PCDH15: variants seen among roughly 807,000 people sequenced by gnomAD.
PCDH15 encodes protocadherin related 15.
Under a neutral mutation model 178.5 loss-of-function variants are expected in PCDH15, and 129 were observed. The observed-to-expected ratio is 0.72, with a 90% CI of 0.63 to 0.84. PCDH15 has a LOEUF of 0.84. Ranked by LOEUF, PCDH15 falls within the 40% of genes least tolerant of loss-of-function variation. PCDH15 has a pLI of 0.00. For synonymous variants in PCDH15, 800 were observed against 732.0 expected (o/e 1.09, Z -1.50); for missense variants, 2,230 against 2,099.9 (o/e 1.06, Z -1.21).
At chr10:55,626,785 C>T (rs1837538573) in intron 2 of PCDH15, among the ~76,000 whole-genome samples, 1 of 152,174 alleles carries the variant, frequency 6.6e-6, no homozygotes. Flanking sequence ...GATACTAGTT[C>T]AGTCATCCTT....
At chr10:53,828,692 G>T in intron 30 of PCDH15, 119 bp from the exon 31 acceptor site, 1 of 887,250 alleles carries the variant, frequency 1.1e-6, no homozygotes, top group East Asian at 2.6e-5. Flanking sequence ...AATTCATAAT[G>T]ACAGAGTTAA....
At chr10:55,020,602 AT>A (rs1477535083) in intron 2 of PCDH15, among the ~76,000 whole-genome samples, 2 of 152,164 alleles carry the variant, frequency 1.3e-5, no homozygotes, top group Non-Finnish European at 2.9e-5. Flanking sequence ...AGGGAAATAC[AT>A]CTTGGGATCT....
chr10:55,365,536 T>C (rs1226161916), intron 2 of PCDH15, among the ~76,000 whole-genome samples: 2 of 152,074 alleles, frequency 1.3e-5, no homozygotes, highest in African/African-American at 2.4e-5. Context: ...CCAAATCTCA[T>C]CTTGAATTAT....
At chr10:53,891,213 A>G (rs1187293821) in intron 26 of PCDH15, among the ~76,000 whole-genome samples, 1 of 152,184 alleles carries the variant, frequency 6.6e-6, no homozygotes, top group Non-Finnish European at 1.5e-5. Flanking sequence ...TGCCCAATTT[A>G]TCTTCTGAAT....
In PCDH15 at chr10:55,215,482, C is replaced by T. The variant is rs115774729; in HGVS notation, c.-155-48831G>A. 1.4e-3 allele frequency among the ~76,000 whole-genome samples: 210 copies of T among 152,170 alleles called. 3 individuals are homozygous for T. The highest frequency in any genetic ancestry group is 4.7e-3 in the African/African-American group (196 of 41,502). ...ATTTTACAATCCCTTATTGTGATTACATTCTTTACTTCCCTCCTTGTTAAT... is the reference window on the plus strand; with the variant it reads ...ATTTTACAATCCCTTATTGTGATTATATTCTTTACTTCCCTCCTTGTTAAT... On this transcript the variant is annotated intron_variant, in intron 1 of 5. Transcript: ENST00000458638.
At chr10:54,635,049 T>C (rs1482216883) in intron 2 of PCDH15, among the ~76,000 whole-genome samples, 1 of 151,696 alleles carries the variant, frequency 6.6e-6, no homozygotes, top group Non-Finnish European at 1.5e-5. Flanking sequence ...CCAGATTTAA[T>C]TACCTTCCTG....
chr10:53,826,040 TC>T (rs2132555647), intron 32 of PCDH15, among the ~76,000 whole-genome samples: 1 of 151,846 alleles, frequency 6.6e-6, no homozygotes, highest in East Asian at 1.9e-4. Flanking sequence ...TTACACATAA[TC>T]CTTTTTTTTA....
rs16906938 is a variant in PCDH15 at position 55,094,665 on chromosome 10, G to A, written c.-80+71911C>T. Among the ~76,000 whole-genome samples, 1,204 of 152,008 alleles carry A rather than the reference G, an allele frequency of 7.9e-3. 19 individuals are homozygous for A. The highest frequency in any genetic ancestry group is 0.019 in the African/African-American group (781 of 41,470). On this transcript the variant is annotated intron_variant, in intron 2 of 5. Transcript: ENST00000458638. ...CATATGTTGCCAAACTGTATCATAC[G>A]TCAATGTTTTTAGCATTCATAGTTT... is the stretch of plus-strand genomic sequence containing the variant.
chr10:55,509,384 G>A (rs1662001050), intron 2 of PCDH15, among the ~76,000 whole-genome samples: 1 of 151,708 alleles, frequency 6.6e-6, no homozygotes, highest in African/African-American at 2.4e-5. Context: ...AAACCAAGCA[G>A]ATGTGGAAGG....
intron 26 of PCDH15, among the ~76,000 whole-genome samples, chr10:53,902,797 T>C (rs1265511669): frequency 6.6e-6 from 1 of 152,032 alleles, no homozygotes; most frequent in African/African-American, 2.4e-5. Flanking sequence ...CTAAAACTGG[T>C]AGTGTTATTT....
At chr10:54,982,975 A>T (rs1040397925) in intron 2 of PCDH15, among the ~76,000 whole-genome samples, 1 of 152,050 alleles carries the variant, frequency 6.6e-6, no homozygotes, top group Admixed American at 6.6e-5. Context: ...TGACCCCCCA[A>T]AATAGAGCTA....
intron 1 of PCDH15, among the ~76,000 whole-genome samples, chr10:55,223,930 AT>A (rs1233667580): frequency 2.6e-5 from 4 of 152,108 alleles, no homozygotes; most frequent in Non-Finnish European, 5.9e-5. Context: ...CTCTATAATA[AT>A]ATAAGCAAGC....
chr10:55,207,123 C>T (rs917327685), intron 1 of PCDH15, among the ~76,000 whole-genome samples: 5 of 151,968 alleles, frequency 3.3e-5, no homozygotes, highest in African/African-American at 1.2e-4. Flanking sequence ...CATCAGAAGT[C>T]GGGAGTAATT....
intron 3 of PCDH15, among the ~76,000 whole-genome samples, chr10:54,436,070 AGAAGGAAG>A (rs1313015013): frequency 1.4e-5 from 2 of 143,034 alleles, no homozygotes; most frequent in Admixed American, 6.7e-5. Flanking sequence ...AAAGAAAGAA[AGAAGGAAG>A]GAAGGAGGGA....
At chr10:55,514,083 A>G (rs1268758702) in intron 2 of PCDH15, among the ~76,000 whole-genome samples, 1 of 152,092 alleles carries the variant, frequency 6.6e-6, no homozygotes, top group East Asian at 1.9e-4. Context: ...CCATTCTCTC[A>G]TGAGTATATA....
intron 3 of PCDH15, among the ~76,000 whole-genome samples, chr10:54,857,653 A>G (rs1015812070): frequency 7.5e-5 from 11 of 147,474 alleles, no homozygotes; most frequent in Non-Finnish European, 1.0e-4. Flanking sequence ...GGGTCTTGCT[A>G]TGTTCCCAGG....
chr10:54,067,915 GAAAA>G (rs2094167627), intron 17 of PCDH15, among the ~76,000 whole-genome samples: 1 of 152,102 alleles, frequency 6.6e-6, no homozygotes, highest in South Asian at 2.1e-4. Context: ...GAGTGAAGCT[GAAAA>G]GGTTTTGCAG....
At chr10:55,082,625 G>C (rs1345529637) in intron 2 of PCDH15, among the ~76,000 whole-genome samples, 1 of 148,292 alleles carries the variant, frequency 6.7e-6, no homozygotes, top group African/African-American at 2.5e-5. Context: ...AAGAAAAGTT[G>C]CTTTTTAAAA....
At chr10:55,055,841 A>G (rs1402198157) in intron 2 of PCDH15, among the ~76,000 whole-genome samples, 1 of 152,102 alleles carries the variant, frequency 6.6e-6, no homozygotes, top group African/African-American at 2.4e-5. Context: ...AAAGAAAGAA[A>G]GAAAGGAGGG....
Sources: gnomAD v4.1 joint callset for allele counts (sites outside exome capture counted in the v4.1 genomes callset) on GRCh38, gnomAD v4.1.1 for gene constraint, MANE v1.5 for transcripts, NCBI Gene and HGNC (gene_info 2026-07-23, HGNC 2026-07-21) for gene names.